Variants in ACVR2A observed in about 807,000 individuals in gnomAD.
ACVR2A encodes activin receptor type-2A.
In ACVR2A, 7 loss-of-function variants were observed where a neutral mutation model predicts 61.4. That is an observed-to-expected ratio of 0.11 (90% CI 0.06 to 0.21). ACVR2A has a LOEUF of 0.21. Ranked by LOEUF, ACVR2A falls within the 10% of genes least tolerant of loss-of-function variation. The pLI, the probability that ACVR2A is intolerant of heterozygous loss-of-function variation, is 1.00. For synonymous variants in ACVR2A, 193 were observed against 208.3 expected (o/e 0.93, Z 0.63); for missense variants, 322 against 621.7 (o/e 0.52, Z 5.13).
intron 4 of ACVR2A, among the ~76,000 whole-genome samples, chr2:147,908,814 C>T (rs144064209): frequency 5.3e-5 from 8 of 152,026 alleles, no homozygotes; most frequent in African/African-American, 1.7e-4. Flanking sequence ...TATCTCCACT[C>T]CCAGAAAAAA....
At position 147,900,062 on chromosome 2, in the gene ACVR2A, T is replaced by C. The variant is rs147685348; in HGVS notation, c.528+164T>C. 4.8e-3 allele frequency among the ~76,000 whole-genome samples: 738 copies of C among 152,298 alleles called. 3 individuals carry two copies. Among genetic ancestry groups the C allele is most frequent in the Non-Finnish European group, 7.0e-3 (475 of 68,000 alleles). On this transcript the variant is annotated intron_variant, in intron 4 of 10. Coordinates refer to ENST00000241416, the MANE Select transcript of ACVR2A (RefSeq NM_001616.5). ...AGCTAACTTTGCAAACTTATTAATG[T>C]ACCTACCGTGTCCTTAACTTTTCTC...
At chr2:147,917,462 G>C in intron 6 of ACVR2A, 36 bp downstream of exon 6, 1 of 1,604,586 alleles carries the variant, frequency 6.2e-7, no homozygotes, top group Non-Finnish European at 8.5e-7. Flanking sequence ...AGTAAAGTCT[G>C]AGTTGGCCTG....
chr2:147,893,573 A>G (rs953785985), intron 1 of ACVR2A, among the ~76,000 whole-genome samples: 1 of 152,178 alleles, frequency 6.6e-6, no homozygotes, highest in Non-Finnish European at 1.5e-5. Flanking sequence ...TGTTTTAGCC[A>G]TTCTAATTAG....
At chr2:147,862,466 G>T (rs1196824012) in intron 1 of ACVR2A, among the ~76,000 whole-genome samples, 1 of 152,022 alleles carries the variant, frequency 6.6e-6, no homozygotes, top group Non-Finnish European at 1.5e-5. Flanking sequence ...TCCTGGGCAG[G>T]GCACCATGGC....
intron 8 of ACVR2A, 34 bp downstream of exon 8, chr2:147,920,378 T>G: frequency 6.6e-7 from 1 of 1,509,358 alleles, no homozygotes; most frequent in Non-Finnish European, 9.1e-7. Context: ...TAAGAAAAAA[T>G]AAACTTGTTC....
At chr2:147,859,242 A>C (rs1239334638) in intron 1 of ACVR2A, among the ~76,000 whole-genome samples, 1 of 151,566 alleles carries the variant, frequency 6.6e-6, no homozygotes, top group East Asian at 1.9e-4. Flanking sequence ...TCTCCCCAGC[A>C]CTCTCACAGT....
At chr2:147,926,445 G>T (rs538013287) in intron 10 of ACVR2A, among the ~76,000 whole-genome samples, 2 of 151,828 alleles carry the variant, frequency 1.3e-5, no homozygotes, top group African/African-American at 4.8e-5. Flanking sequence ...TGCCAGACTC[G>T]GAAACTGTGG....
chr2:147,872,866 A>G (rs1338848484), intron 1 of ACVR2A, among the ~76,000 whole-genome samples: 1 of 151,840 alleles, frequency 6.6e-6, no homozygotes, highest in Non-Finnish European at 1.5e-5. Context: ...AAGCAGTAAG[A>G]AAAGTTCCAG....
At chr2:147,877,124 A>C (rs551018222) in intron 1 of ACVR2A, among the ~76,000 whole-genome samples, 2 of 152,298 alleles carry the variant, frequency 1.3e-5, no homozygotes, top group East Asian at 3.9e-4. Flanking sequence ...TTGGTATTCC[A>C]AAAGTAGCTT....
At chr2:147,884,308 T>C (rs571607584) in intron 1 of ACVR2A, among the ~76,000 whole-genome samples, 1 of 152,306 alleles carries the variant, frequency 6.6e-6, no homozygotes, top group Non-Finnish European at 1.5e-5. Context: ...TTGTATTTAC[T>C]TGTACCTGTT....
intron 4 of ACVR2A, among the ~76,000 whole-genome samples, chr2:147,904,270 A>G (rs1178255665): frequency 1.3e-5 from 2 of 151,950 alleles, no homozygotes; most frequent in Non-Finnish European, 2.9e-5. Flanking sequence ...ATATGAGGGA[A>G]TTGATGGACT....
chr2:147,898,854 C>G (rs1686806432), intron 2 of ACVR2A, among the ~76,000 whole-genome samples: 1 of 152,022 alleles, frequency 6.6e-6, no homozygotes, highest in Non-Finnish European at 1.5e-5. Flanking sequence ...TATTGCTGCT[C>G]ATCTCAACCC....
chr2:147,911,819 A>G (rs1687124692), intron 4 of ACVR2A, among the ~76,000 whole-genome samples: 1 of 152,038 alleles, frequency 6.6e-6, no homozygotes, highest in African/African-American at 2.4e-5. Flanking sequence ...AAACCGTTTT[A>G]CTTGATTAGA....
chr2:147,900,254 T>C (rs977163945), intron 4 of ACVR2A, among the ~76,000 whole-genome samples: 36 of 152,050 alleles, frequency 2.4e-4, no homozygotes, highest in African/African-American at 8.4e-4. Context: ...CCTCCTCCAT[T>C]TCTAGATTTC....
intron 1 of ACVR2A, among the ~76,000 whole-genome samples, chr2:147,894,813 A>G (rs1686687278): frequency 6.6e-6 from 1 of 152,188 alleles, no homozygotes; most frequent in African/African-American, 2.4e-5. Context: ...CATGCCTGTC[A>G]GATACCCAAG....
At chr2:147,875,348 C>T (rs572189721) in intron 1 of ACVR2A, among the ~76,000 whole-genome samples, 62 of 151,956 alleles carry the variant, frequency 4.1e-4, no homozygotes, top group Non-Finnish European at 6.3e-4. Flanking sequence ...AATACAATCT[C>T]CCATTTTCTC....
intron 1 of ACVR2A, among the ~76,000 whole-genome samples, chr2:147,852,893 T>C (rs2105133728): frequency 6.6e-6 from 1 of 152,174 alleles, no homozygotes; most frequent in South Asian, 2.1e-4. Context: ...GAGGAAGAGA[T>C]TTGTGTGATG....
chr2:147,896,493 T>C lies in ACVR2A; in HGVS notation c.248T>C (p.Ile83Thr). The stretch of plus-strand genomic sequence containing the variant: ...AAACAAGGTTGTTGGCTGGATGATA[T>C]CAACTGCTATGACAGGTAAGAACAC... ...IVKQGCWLDD[I>T]NCYDRTDCVE... is the part of the protein sequence containing the mutation. The change falls in exon 2 of 11, where the codon ATC (isoleucine) becomes ACC (threonine). Residue 83 changes from isoleucine to threonine, a missense_variant. Transcript: ENST00000241416. The C allele has an allele frequency of 6.2e-7, 1 of 1,613,948 alleles. No homozygotes were observed. The highest frequency in any genetic ancestry group is 8.5e-7 in the Non-Finnish European group (1 of 1,179,912).
intron 8 of ACVR2A, among the ~76,000 whole-genome samples, chr2:147,920,865 A>G (rs908560035): frequency 6.6e-6 from 1 of 152,066 alleles, no homozygotes; most frequent in African/African-American, 2.4e-5. Context: ...AAACCCCTGA[A>G]TTAGGTAACT....
Sources: allele counts gnomAD v4.1 joint callset (sites outside exome capture counted in the v4.1 genomes callset), GRCh38; gene constraint gnomAD v4.1.1; transcripts MANE v1.5; gene names NCBI Gene and HGNC (gene_info 2026-07-23, HGNC 2026-07-21).